The following RC3H2 variants were observed in gnomAD, a reference collection of about 807,000 sequenced individuals.
RC3H2 encodes ring finger and CCCH-type domains 2.
In RC3H2, 31 loss-of-function variants were observed where a neutral mutation model predicts 133.3. The ratio of observed to expected loss-of-function variants is 0.23; its 90% CI spans 0.17 to 0.31. The LOEUF (loss-of-function observed/expected upper bound fraction) is 0.31, where lower values mean the gene tolerates loss of function less well. Among genes scored for constraint, RC3H2 ranks in the 10% least tolerant of loss-of-function variants. RC3H2 has a pLI of 1.00. For missense variants in RC3H2, 1,175 were observed against 1,437.2 expected, an observed-to-expected ratio of 0.82 and a Z score of 2.95; for synonymous variants, 517 against 502.2, an observed-to-expected ratio of 1.03 and a Z score of -0.40.
intron 10 of RC3H2, 54 bp downstream of exon 10, chr9:122,865,295 G>T: frequency 7.0e-7 from 1 of 1,433,016 alleles, no homozygotes. Context: ...AAACACTCAG[G>T]CATTTCTAAA....
chr9:122,870,377 A>AAAAC (rs141668736), intron 9 of RC3H2, among the ~76,000 whole-genome samples: 8 of 123,650 alleles, frequency 6.5e-5, no homozygotes, highest in African/African-American at 2.2e-4. Context: ...TCTGTCTCCA[A>AAAAC]AAACAAACAA....
chr9:122,897,662 C>G (rs932660493), intron 1 of RC3H2, 86 bp from the exon 2 acceptor site: 49 of 888,330 alleles, frequency 5.5e-5, no homozygotes, highest in Non-Finnish European at 7.4e-5. Context: ...ATTACAGCTT[C>G]AGACCTAAAA....
In RC3H2 at chr9:122,897,305, C is replaced by T; in HGVS notation, c.205G>A (p.Ala69Thr). Residue 69 changes from alanine (A) to threonine (T), a missense_variant, in exon 2 of 21, where the codon GCA becomes ACA. Around this residue, in one of 8 missense-constraint regions of RC3H2, gnomAD observed 41 missense variants for 88.0 expected, o/e 0.47. Transcript: ENST00000357244. ...TDIDVLPVNF[A>T]LLQLVGAQVP... ...TGGGCTCCAACTAACTGGAGAAGTG[C>T]GAAGTTGACAGGAAGTACATCAATA... 2 of 1,614,014 alleles carry T rather than the reference C, an allele frequency of 1.2e-6. No individual in the cohort carries two copies. The highest frequency in any genetic ancestry group is 1.7e-6 in the Non-Finnish European group (2 of 1,179,938).
intron 9 of RC3H2, among the ~76,000 whole-genome samples, chr9:122,867,464 T>G: frequency 6.9e-6 from 1 of 144,784 alleles, no homozygotes. Flanking sequence ...GGTGGGGGGG[T>G]CAGCCCCCCG....
intron 9 of RC3H2, among the ~76,000 whole-genome samples, chr9:122,868,075 G>A (rs991421545): frequency 2.2e-5 from 3 of 133,974 alleles, no homozygotes; most frequent in African/African-American, 8.4e-5. Flanking sequence ...AGGTTGGGGG[G>A]TCAGCACCCC....
chr9:122,883,943 T>C (rs1251395992), intron 4 of RC3H2, among the ~76,000 whole-genome samples: 3 of 152,114 alleles, frequency 2.0e-5, no homozygotes, highest in Non-Finnish European at 4.4e-5. Context: ...TAGTGAGCTG[T>C]GATCACATCA....
intron 4 of RC3H2, among the ~76,000 whole-genome samples, chr9:122,886,590 G>A (rs1050292728): frequency 1.1e-4 from 17 of 152,186 alleles, no homozygotes; most frequent in African/African-American, 3.9e-4. Flanking sequence ...TTGGGAGGCC[G>A]AGATGGGAGG....
Position 122,852,173 on chromosome 9 carries a change from C to T in RC3H2, c.3118-737G>A, listed in dbSNP as rs1354447337. 2.0e-5 allele frequency among the ~76,000 whole-genome samples: 3 copies of T among 149,992 alleles called. No individual in the cohort carries two copies. In the East Asian group the frequency reaches 6.0e-4, roughly 30 times the overall value. On this transcript the variant is annotated intron_variant, in intron 18 of 20. Transcript: ENST00000357244. ...CGCCCTGTCTGGGATGTGAGGAATG[C>T]CTCTGCCCGGCCGCCACCCCGTCTG...
intron 7 of RC3H2, 25 bp downstream of exon 7, chr9:122,879,968 A>G (rs1036092205): frequency 6.2e-6 from 10 of 1,612,618 alleles, no homozygotes; most frequent in Admixed American, 3.4e-5. Flanking sequence ...AAAAAATATA[A>G]GCAACTGAGC....
At chr9:122,857,139 G>A (rs999264091) in intron 13 of RC3H2, among the ~76,000 whole-genome samples, 1 of 152,192 alleles carries the variant, frequency 6.6e-6, no homozygotes, top group Non-Finnish European at 1.5e-5. Flanking sequence ...CGTGGAACCT[G>A]GGTGTTGGGT....
At chr9:122,867,124 C>T (rs1380526210) in intron 9 of RC3H2, among the ~76,000 whole-genome samples, 10 of 128,548 alleles carry the variant, frequency 7.8e-5, no homozygotes, top group East Asian at 2.2e-4. Context: ...ACCCTCCGCC[C>T]GGCAACCGCC....
chr9:122,854,374 A>G (rs1830164893), intron 16 of RC3H2, 108 bp from the exon 17 acceptor site: 7 of 1,195,284 alleles, frequency 5.9e-6, no homozygotes, highest in Non-Finnish European at 8.5e-6. Flanking sequence ...AACTTCACTC[A>G]TCGTTCCAAA....
chr9:122,892,599 G>A (rs565548849), intron 3 of RC3H2, among the ~76,000 whole-genome samples: 12 of 152,140 alleles, frequency 7.9e-5, no homozygotes, highest in African/African-American at 1.4e-4. Context: ...TTTTAGTAGA[G>A]ACGGGGTTTC....
Position 122,859,994 on chromosome 9 carries a change from G to T in RC3H2, c.1772C>A (p.Pro591Gln). 6.2e-7 allele frequency: 1 copy of T among 1,614,030 alleles called. No homozygotes were observed. The highest frequency in any genetic ancestry group is 8.5e-7 in the Non-Finnish European group (1 of 1,179,948). Residue 591 changes from proline to glutamine, a missense_variant, in exon 11 of 21, where the codon CCG becomes CAG. By Grantham distance (76) the Pro-to-Gln change is moderately conservative. Transcript: ENST00000357244. ...AAAATACTGAATGTTTTCAGAATGC[G>T]GAGGATATACTGGTACTCTAGTTAG... ...PFLTRVPVYP[P>Q]HSENIQYFQD...
In RC3H2 at chr9:122,905,290, T is replaced by A; in HGVS notation, c.-248A>T. 1.1e-6 allele frequency: 1 copy of A among 951,812 alleles called. No individual in the cohort carries two copies. The highest frequency in any genetic ancestry group is 1.3e-6 in the Non-Finnish European group (1 of 798,740). 59.0% of individuals were successfully genotyped at this position (951,812 alleles called of 1,614,324 possible). ...CGGCGGCGAAGGCCGCGACGGGGCCTCCTCCTCCTCCCTCCACCTCCGCCT... is the reference window on the plus strand; with the variant it reads ...CGGCGGCGAAGGCCGCGACGGGGCCACCTCCTCCTCCCTCCACCTCCGCCT... On this transcript the variant is annotated 5_prime_UTR_variant, in exon 1 of 21. Transcript: ENST00000357244.
chr9:122,901,531 C>A (rs1317136352), intron 1 of RC3H2, among the ~76,000 whole-genome samples: 1 of 151,306 alleles, frequency 6.6e-6, no homozygotes, highest in Non-Finnish European at 1.5e-5. Context: ...TTCTTAAATA[C>A]ACTATGTGGT....
At chr9:122,873,639 G>A (rs1044345696) in intron 9 of RC3H2, 1 of 151,874 alleles carries the variant, frequency 6.6e-6, no homozygotes, top group Non-Finnish European at 1.5e-5. Context: ...CCTGAGCCTG[G>A]GAGGCAGAAG....
At chr9:122,863,455 T>A (rs1017925172) in intron 10 of RC3H2, among the ~76,000 whole-genome samples, 27 of 152,262 alleles carry the variant, frequency 1.8e-4, no homozygotes, top group African/African-American at 6.3e-4. Flanking sequence ...ATATTCCATA[T>A]AATTACAGAT....
intron 9 of RC3H2, among the ~76,000 whole-genome samples, chr9:122,867,422 C>A: frequency 6.8e-6 from 1 of 146,236 alleles, no homozygotes; most frequent in Non-Finnish European, 1.5e-5. Flanking sequence ...GGGTCAGCAC[C>A]CCGCCCGGCC....
Sources: gnomAD v4.1 joint callset for allele counts (sites outside exome capture counted in the v4.1 genomes callset) on GRCh38, gnomAD v4.1.1 for gene constraint, gnomAD v4.1.1 regional missense constraint, MANE v1.5 for transcripts, NCBI Gene and HGNC (gene_info 2026-07-23, HGNC 2026-07-21) for gene names.